The following CGNL1 variants were observed in gnomAD, a reference collection of about 807,000 sequenced individuals.
The protein encoded by CGNL1 is cingulin like 1, also known as cingulin-like protein 1.
A neutral mutation model predicts 141.2 loss-of-function variants in CGNL1; 132 were observed. The observed-to-expected ratio is 0.93, with a 90% CI of 0.81 to 1.08. The LOEUF is 1.08. Ranked by LOEUF, CGNL1 falls within the 50% of genes least tolerant of loss-of-function variation. The probability of loss-of-function intolerance (pLI) is 0.00; values close to 1 mark genes in which losing one functional copy is unlikely to be tolerated. For missense variants in CGNL1, 1,870 were observed against 1,588.6 expected, an observed-to-expected ratio of 1.18 and a Z score of -3.01; for synonymous variants, 690 against 622.1, an observed-to-expected ratio of 1.11 and a Z score of -1.63.
Position 57,549,926 on chromosome 15 carries a change from A to G in CGNL1, c.*2436A>G, listed in dbSNP as rs1481097823. On this transcript the variant is annotated 3_prime_UTR_variant, in exon 19 of 19. Transcript: ENST00000281282. ...GAGAAGCCTCAGCCCACTCATACCT[A>G]GAGACGCTGCTGGGGAAGGTCAGCA... 1 of 152,136 alleles carries G rather than the reference A, an allele frequency of 6.6e-6. No individual in the cohort carries two copies. Among genetic ancestry groups the G allele is most frequent in the Non-Finnish European group, 1.5e-5 (1 of 68,022 alleles). The allele number at this position is 152,136 out of a possible 1,614,324, so 9.4% of individuals were successfully genotyped here.
intron 1 of CGNL1, among the ~76,000 whole-genome samples, chr15:57,422,680 A>G (rs1349876353): frequency 1.3e-5 from 2 of 152,174 alleles, no homozygotes; most frequent in Non-Finnish European, 2.9e-5. Flanking sequence ...TATTATTATT[A>G]TTGCAAACTA....
intron 8 of CGNL1, among the ~76,000 whole-genome samples, chr15:57,498,590 A>G (rs1445915693): frequency 1.3e-5 from 2 of 152,126 alleles, no homozygotes; most frequent in African/African-American, 4.8e-5. Flanking sequence ...TATTAAGCCT[A>G]TGAGCAAAAA....
chr15:57,508,700 A>G (rs1008397370), intron 8 of CGNL1, among the ~76,000 whole-genome samples: 2 of 152,212 alleles, frequency 1.3e-5, no homozygotes, highest in African/African-American at 4.8e-5. Context: ...CTCAGCTCAA[A>G]TCTCTGCAGA....
In CGNL1 at chr15:57,438,348, C is replaced by T. The variant is rs564485602; in HGVS notation, c.349C>T (p.Leu117=). 3 of 1,614,118 alleles carry T rather than the reference C, an allele frequency of 1.9e-6. No homozygotes were observed. The highest frequency in any genetic ancestry group is 2.5e-6 in the Non-Finnish European group (3 of 1,180,038). Residue 117 remains leucine, a synonymous_variant, in exon 2 of 19, where the codon CTG becomes TTG. Transcript: ENST00000281282. ...CGCCCAGCCTAGCCCAATAAGAAACCTGAAACAGCCCCTGCTCCATGAGGG... is the reference window on the plus strand; with the variant it reads ...CGCCCAGCCTAGCCCAATAAGAAACTTGAAACAGCCCCTGCTCCATGAGGG... ...PYAQPSPIRN[L]KQPLLHEGKN...
At chr15:57,534,872 A>G (rs923531594) in intron 14 of CGNL1, among the ~76,000 whole-genome samples, 3 of 152,192 alleles carry the variant, frequency 2.0e-5, no homozygotes, top group Admixed American at 2.0e-4. Context: ...CTTTAAATTA[A>G]AAGGTTCAAA....
intron 8 of CGNL1, among the ~76,000 whole-genome samples, chr15:57,494,270 G>A (rs1200698106): frequency 6.6e-6 from 1 of 152,160 alleles, no homozygotes; most frequent in Non-Finnish European, 1.5e-5. Flanking sequence ...TGAGTGGGGA[G>A]GGGTTGAGAA....
chr15:57,461,563 A>G, intron 7 of CGNL1, 117 bp from the exon 8 acceptor site: 2 of 797,296 alleles, frequency 2.5e-6, no homozygotes, highest in Non-Finnish European at 4.3e-6. Flanking sequence ...GGAAGGAGAG[A>G]GTGGCAAGGC....
chr15:57,472,480 C>T (rs1468351434), intron 8 of CGNL1, among the ~76,000 whole-genome samples: 1 of 152,126 alleles, frequency 6.6e-6, no homozygotes, highest in Non-Finnish European at 1.5e-5. Flanking sequence ...GAATGTTTGA[C>T]ACAGACAGAT....
chr15:57,395,895 A>G (rs1274974473), intron 1 of CGNL1, among the ~76,000 whole-genome samples: 2 of 152,240 alleles, frequency 1.3e-5, no homozygotes, highest in South Asian at 2.1e-4. Context: ...ATTATAATGT[A>G]CAGAATCTTC....
At chr15:57,472,327 G>C (rs909009554) in intron 8 of CGNL1, among the ~76,000 whole-genome samples, 9 of 152,110 alleles carry the variant, frequency 5.9e-5, no homozygotes, top group African/African-American at 2.2e-4. Flanking sequence ...TGTGAAGGGT[G>C]GTTGAAAGTC....
chr15:57,438,457 A>C lies in CGNL1; in HGVS notation c.458A>C (p.Gln153Pro), dbSNP rs1595704079. The C allele has an allele frequency of 6.2e-7, 1 of 1,614,198 alleles. No homozygotes were observed. Residue 153 changes from glutamine to proline, a missense_variant, in exon 2 of 19, where the codon CAA (glutamine) becomes CCA (proline). Gln to Pro is a moderately conservative substitution (Grantham distance 76). Coordinates refer to ENST00000281282, the MANE Select transcript of CGNL1 (RefSeq NM_032866.5). ...LNFQRHPELLQPYDPEKNELN... is the reference protein window; with the variant it reads ...LNFQRHPELLPPYDPEKNELN... ...TTTCAGAGGCATCCAGAGCTTTTGC[A>C]ACCCTATGACCCTGAAAAGAATGAG...
chr15:57,442,518 T>A, intron 4 of CGNL1, 40 bp downstream of exon 4: 1 of 1,239,686 alleles, frequency 8.1e-7, no homozygotes, highest in Non-Finnish European at 1.2e-6. Context: ...GCATTTAGCA[T>A]GGAATGTGGT....
chr15:57,400,314 C>A (rs186658436), intron 1 of CGNL1, among the ~76,000 whole-genome samples: 1 of 152,310 alleles, frequency 6.6e-6, no homozygotes, highest in Admixed American at 6.5e-5. Context: ...TTAGGTCTGC[C>A]TTTTGTGGTT....
intron 8 of CGNL1, among the ~76,000 whole-genome samples, chr15:57,473,938 C>T (rs1364347168): frequency 8.5e-6 from 1 of 118,112 alleles, no homozygotes; most frequent in Non-Finnish European, 1.6e-5. Context: ...GAGACAGAGT[C>T]TCACTCTGTT....
intron 8 of CGNL1, among the ~76,000 whole-genome samples, chr15:57,516,489 T>C (rs1163749664): frequency 1.3e-5 from 2 of 152,196 alleles, no homozygotes; most frequent in South Asian, 2.1e-4. Context: ...TGTGACACCA[T>C]AGGCTTTGGG....
At chr15:57,514,883 G>T (rs142268876) in intron 8 of CGNL1, among the ~76,000 whole-genome samples, 18 of 152,208 alleles carry the variant, frequency 1.2e-4, no homozygotes, top group African/African-American at 4.1e-4. Flanking sequence ...AATTGTCTTG[G>T]CACCCTTGTT....
At chr15:57,407,614 C>G (rs541282718) in intron 1 of CGNL1, among the ~76,000 whole-genome samples, 2 of 151,990 alleles carry the variant, frequency 1.3e-5, no homozygotes, top group Non-Finnish European at 2.9e-5. Flanking sequence ...TTGAGGCTAC[C>G]GTGAACTGTG....
At position 57,547,721 on chromosome 15, in the gene CGNL1, C is replaced by T; in HGVS notation, c.*231C>T. 1 of 490,912 alleles carries T rather than the reference C, an allele frequency of 2.0e-6. No individual in the cohort carries two copies. The allele number at this position is 490,912 out of a possible 1,614,324, so 30.4% of individuals were successfully genotyped here. A position where few individuals can be genotyped will look rare whatever the true frequency, so the allele number is the denominator to read the frequency against. On this transcript the variant is annotated 3_prime_UTR_variant, in exon 19 of 19. Coordinates refer to ENST00000281282, the MANE Select transcript of CGNL1 (RefSeq NM_032866.5). The stretch of plus-strand genomic sequence containing the variant: ...ATGCCTGAGGACCAGGAGCCACCAC[C>T]CACTGGGGTGTTGTGAGAGATACAC...
At chr15:57,424,179 C>T (rs1372316900) in intron 1 of CGNL1, among the ~76,000 whole-genome samples, 3 of 152,192 alleles carry the variant, frequency 2.0e-5, no homozygotes, top group African/African-American at 4.8e-5. Context: ...ACTGATTCTT[C>T]GATTTGTCTA....
Sources: allele counts gnomAD v4.1 joint callset (sites outside exome capture counted in the v4.1 genomes callset), GRCh38; gene constraint gnomAD v4.1.1; transcripts MANE v1.5; gene names NCBI Gene and HGNC (gene_info 2026-07-23, HGNC 2026-07-21).